The following TNR variants were observed in gnomAD, a reference collection of about 807,000 sequenced individuals.
The protein encoded by TNR is tenascin R, also known as tenascin-R.
Under a neutral mutation model 150.4 loss-of-function variants are expected in TNR, and 45 were observed. The ratio of observed to expected loss-of-function variants is 0.30; its 90% CI spans 0.24 to 0.38. The LOEUF is 0.38. TNR is among the 10% of genes least tolerant of loss of function. TNR has a pLI of 1.00. For synonymous variants in TNR, 687 were observed against 678.4 expected (o/e 1.01, Z -0.20); for missense variants, 1,544 against 1,759.1 (o/e 0.88, Z 2.19).
At chr1:175,332,036 A>T (rs545662275) in intron 20 of TNR, among the ~76,000 whole-genome samples, 2 of 152,300 alleles carry the variant, frequency 1.3e-5, no homozygotes, top group South Asian at 2.1e-4. Flanking sequence ...GTAGATGCTG[A>T]TGTTGTTCTG....
At chr1:175,650,894 A>C (rs1364641396) in intron 1 of TNR, among the ~76,000 whole-genome samples, 4 of 73,210 alleles carry the variant, frequency 5.5e-5, no homozygotes, top group Admixed American at 1.6e-4. Flanking sequence ...CCTCATTACT[A>C]CCCCTCTCCC....
rs551453681 is a variant in TNR, at chr1:175,449,601, T to C, written c.-63-42824A>G. On this transcript the variant is annotated intron_variant, in intron 2 of 22. Coordinates refer to ENST00000367674, the MANE Select transcript of TNR (RefSeq NM_003285.3). The stretch of plus-strand genomic sequence containing the variant: ...CTGCTGCCTGTCCCTGGAAAGGCGT[T>C]AGTAAAGATTAAGGTAAAGGGAGAA... Among the ~76,000 whole-genome samples the C allele has an allele frequency of 2.0e-5, 3 of 152,296 alleles. No homozygotes were observed. In the South Asian group the frequency reaches 6.2e-4, roughly 32 times the overall value.
intron 1 of TNR, among the ~76,000 whole-genome samples, chr1:175,646,833 A>T (rs1238822989): frequency 6.6e-6 from 1 of 152,156 alleles, no homozygotes; most frequent in Non-Finnish European, 1.5e-5. Flanking sequence ...ATTTTACATG[A>T]CCTGCTTCAT....
intron 2 of TNR, among the ~76,000 whole-genome samples, chr1:175,438,211 A>G (rs563778601): frequency 1.3e-5 from 2 of 152,328 alleles, no homozygotes; most frequent in African/African-American, 4.8e-5. Context: ...CTGGGATGCA[A>G]GGCTGGTTCA....
chr1:175,659,419 C>A (rs970511877), intron 1 of TNR, among the ~76,000 whole-genome samples: 23 of 152,196 alleles, frequency 1.5e-4, no homozygotes, highest in Admixed American at 5.9e-4. Context: ...ATGGGGAGAA[C>A]TGGGAGGAGA....
At position 175,417,075 on chromosome 1, in the gene TNR, G is replaced by GAAAGAAAGAAAGAAAT. The variant is rs754333098; in HGVS notation, c.-63-10299_-63-10298insATTTCTTTCTTTCTTT. Among the ~76,000 whole-genome samples, 735 of 138,012 alleles carry GAAAGAAAGAAAGAAAT rather than the reference G, an allele frequency of 5.3e-3. 15 individuals are homozygous for GAAAGAAAGAAAGAAAT. The highest frequency in any genetic ancestry group is 0.017 in the South Asian group (70 of 4,154). The allele number at this position is 138,012 out of a possible 152,430, so 90.5% of individuals were successfully genotyped here. On this transcript the variant is annotated intron_variant, in intron 2 of 22. Transcript: ENST00000367674. ...AGAAAGAAAGAAAGAAAGAAAGAAA[G>GAAAGAAAGAAAGAAAT]AAATCTAAGAAGTGGTCTCTTCCCT...
Position 175,366,016 on chromosome 1 carries a change from T to A in TNR, c.2176A>T (p.Ile726Phe). Residue 726 changes from isoleucine (I) to phenylalanine (F), a missense_variant, in exon 11 of 23, where the codon ATT becomes TTT. Physicochemically the swap from Ile to Phe is conservative, Grantham distance 21. Transcript: ENST00000367674. ...YRITFTPSSG[I>F]ASEVTVPKDR... The stretch of plus-strand genomic sequence containing the variant: ...TTGGGTACGGTGACTTCTGAGGCAA[T>A]CCCAGAGGATGGGGTAAAGGTAATT... 6.2e-7 allele frequency: 1 copy of A among 1,614,112 alleles called. No homozygotes were observed. The highest frequency in any genetic ancestry group is 8.5e-7 in the Non-Finnish European group (1 of 1,180,012).
intron 1 of TNR, among the ~76,000 whole-genome samples, chr1:175,627,060 C>T (rs1313519752): frequency 1.3e-5 from 2 of 152,206 alleles, no homozygotes; most frequent in African/African-American, 4.8e-5. Context: ...GACTTCTGGC[C>T]TCCAGAACTC....
intron 1 of TNR, among the ~76,000 whole-genome samples, chr1:175,625,538 G>A (rs977329378): frequency 6.6e-6 from 1 of 152,244 alleles, no homozygotes; most frequent in African/African-American, 2.4e-5. Context: ...GACTGGCTCA[G>A]CCAGGCCTGT....
At chr1:175,381,647 C>T (rs568704177) in intron 8 of TNR, among the ~76,000 whole-genome samples, 45 of 152,282 alleles carry the variant, frequency 3.0e-4, no homozygotes, top group Non-Finnish European at 5.0e-4. Flanking sequence ...TTCCCTGCAA[C>T]GTCAGCAAGT....
intron 1 of TNR, among the ~76,000 whole-genome samples, chr1:175,553,338 C>G (rs1424570437): frequency 6.6e-6 from 1 of 152,102 alleles, no homozygotes; most frequent in Admixed American, 6.5e-5. Context: ...TTTCTTGATC[C>G]ATTTTGTGAT....
At chr1:175,737,863 G>A (rs911884669) in intron 1 of TNR, among the ~76,000 whole-genome samples, 2 of 152,090 alleles carry the variant, frequency 1.3e-5, no homozygotes, top group Non-Finnish European at 2.9e-5. Context: ...ATTTGTCCCT[G>A]ACCCCAGAAC....
At chr1:175,685,638 A>G (rs541409693) in intron 1 of TNR, among the ~76,000 whole-genome samples, 4 of 152,278 alleles carry the variant, frequency 2.6e-5, no homozygotes, top group African/African-American at 9.6e-5. Context: ...AAGGAAAAAA[A>G]TAGTCAAAGT....
chr1:175,424,464 AT>A (rs763537329), intron 2 of TNR, among the ~76,000 whole-genome samples: 71 of 152,340 alleles, frequency 4.7e-4, no homozygotes, highest in Admixed American at 1.2e-3. Flanking sequence ...CTTCCTCTCC[AT>A]TAACAGGTGT....
At chr1:175,706,030 C>T (rs1281550586) in intron 1 of TNR, among the ~76,000 whole-genome samples, 1 of 152,160 alleles carries the variant, frequency 6.6e-6, no homozygotes, top group African/African-American at 2.4e-5. Flanking sequence ...CCACTTATGG[C>T]CTAGGGGATA....
Position 175,406,199 on chromosome 1 carries a change from G to A in TNR, c.499+17C>T, listed in dbSNP as rs751806816. ...CCTTCCCCTCCTGAGACCACGCTGC[G>A]AGCTCCCGGACTCTACCTGTGGCAG... On this transcript the variant is annotated intron_variant, in intron 3 of 22. Transcript: ENST00000367674. 55 of 1,608,202 alleles carry A rather than the reference G, an allele frequency of 3.4e-5. No homozygotes were observed. In the African/African-American group the frequency reaches 6.3e-4, roughly 18 times the overall value.
At chr1:175,611,124 A>G (rs1437330514) in intron 1 of TNR, among the ~76,000 whole-genome samples, 1 of 152,100 alleles carries the variant, frequency 6.6e-6, no homozygotes, top group Non-Finnish European at 1.5e-5. Context: ...TATTCTTCAA[A>G]AACCTTAAAA....
intron 1 of TNR, among the ~76,000 whole-genome samples, chr1:175,594,193 G>T (rs1436179200): frequency 1.3e-5 from 2 of 152,124 alleles, no homozygotes; most frequent in Non-Finnish European, 2.9e-5. Flanking sequence ...TCCTGATAGG[G>T]ATTGGGAATG....
chr1:175,439,846 A>G (rs1012303973), intron 2 of TNR, among the ~76,000 whole-genome samples: 21 of 152,330 alleles, frequency 1.4e-4, no homozygotes, highest in African/African-American at 5.1e-4. Context: ...CACCAGTTAG[A>G]ATGGTGATCA....
Sources: gnomAD v4.1 joint callset for allele counts (sites outside exome capture counted in the v4.1 genomes callset) on GRCh38, gnomAD v4.1.1 for gene constraint, MANE v1.5 for transcripts, NCBI Gene and HGNC (gene_info 2026-07-23, HGNC 2026-07-21) for gene names.